Variants in RIIAD1 observed in about 807,000 individuals in gnomAD.
RIIAD1 encodes the protein regulatory subunit of type II PKA R-subunit domain containing 1, also known as RIIa domain-containing protein 1.
In RIIAD1, 15 loss-of-function variants were observed where a neutral mutation model predicts 13.3. That is an observed-to-expected ratio of 1.13 (90% confidence interval 0.76 to 1.74). The LOEUF is 1.74. RIIAD1 is among the 40% of genes most tolerant of loss of function. The pLI is 0.00. For synonymous variants in RIIAD1, 50 were observed against 43.3 expected, an observed-to-expected ratio of 1.16 and a Z score of -0.61; for missense variants, 121 against 112.2, an observed-to-expected ratio of 1.08 and a Z score of -0.35.
chr1:151,715,310 C>T lies in RIIAD1; in HGVS notation c.21+781C>T, dbSNP rs991473294. On this transcript the variant is annotated intron_variant, in intron 4 of 8. Transcript: ENST00000326413. ...GGCCTGAGGAGCACCCTCCCTTCTC[C>T]CCCACTCTCTTAACTTTCTAAGCCT... Among the ~76,000 whole-genome samples, 3 of 152,096 alleles carry T rather than the reference C, an allele frequency of 2.0e-5. No homozygotes were observed. The East Asian group carries it at 5.8e-4, about 29-fold the overall frequency.
chr1:151,717,260 T>C (rs766160838), upstream of RIIAD1, among the ~76,000 whole-genome samples: 1 of 150,730 alleles, frequency 6.6e-6, no homozygotes, highest in African/African-American at 2.4e-5. Flanking sequence ...AAAGGAGATA[T>C]AGATGGAGAG....
upstream of RIIAD1, among the ~76,000 whole-genome samples, chr1:151,717,083 C>T (rs1023915582): frequency 6.6e-6 from 1 of 152,066 alleles, no homozygotes; most frequent in East Asian, 1.9e-4. Context: ...AAAGTGGGGT[C>T]CATTGTTCCG....
intron 1 of RIIAD1, 188 bp downstream of exon 1, chr1:151,721,808 G>A (rs923403345): frequency 8.8e-6 from 5 of 565,518 alleles, no homozygotes; most frequent in East Asian, 8.5e-5. Flanking sequence ...AGCGCGACGG[G>A]CATCTGAGAG....
At chr1:151,724,281 C>G (rs1673789384) in intron 2 of RIIAD1, among the ~76,000 whole-genome samples, 2 of 152,228 alleles carry the variant, frequency 1.3e-5, no homozygotes, top group African/African-American at 4.8e-5. Flanking sequence ...TAAAGCTACT[C>G]TACCTGAAAT....
At chr1:151,721,393 C>G (rs190402093), upstream of RIIAD1, 9 of 415,540 alleles carry the variant, frequency 2.2e-5, no homozygotes, top group South Asian at 1.2e-4. Context: ...GACCCACCCC[C>G]CAAGCCCCCG....
upstream of RIIAD1, among the ~76,000 whole-genome samples, chr1:151,721,359 A>G (rs1048860614): frequency 3.3e-5 from 5 of 152,132 alleles, no homozygotes; most frequent in Admixed American, 2.6e-4. Context: ...CAGTCCCCCA[A>G]TCCGGGAAAG....
chr1:151,715,924 T>C, intron 4 of RIIAD1: 1 of 1,614,090 alleles, frequency 6.2e-7, no homozygotes, highest in Non-Finnish European at 8.5e-7. Context: ...AGCTCAAAGA[T>C]CCGACCAAAC....
At chr1:151,715,596 T>C in intron 4 of RIIAD1, 1 of 1,421,556 alleles carries the variant, frequency 7.0e-7, no homozygotes, top group Non-Finnish European at 9.3e-7. Context: ...CTTTCTTGAG[T>C]TCATCCCATG....
In RIIAD1 at chr1:151,725,862, C is replaced by T. The variant is rs193295348; in HGVS notation, c.162-1713C>T. Among the ~76,000 whole-genome samples the T allele has an allele frequency of 4.3e-3, 649 of 152,202 alleles. 3 individuals carry two copies. Among genetic ancestry groups the T allele is most frequent in the Non-Finnish European group, 5.8e-3 (392 of 68,014 alleles). On this transcript the variant is annotated intron_variant, in intron 2 of 4. Transcript: ENST00000479191. ...TCCCTCCCCAGCATTCAAGGCTCTC[C>T]GTAATAGAACCTCTTCTGTTTCCCA...
At chr1:151,720,785 C>T (rs1374164775), upstream of RIIAD1, among the ~76,000 whole-genome samples, 3 of 152,170 alleles carry the variant, frequency 2.0e-5, no homozygotes, top group African/African-American at 4.8e-5. Context: ...TGCCCTTTCT[C>T]GTGGCTATTT....
At chr1:151,719,575 G>C (rs914109570), upstream of RIIAD1, 2 of 701,178 alleles carry the variant, frequency 2.9e-6, no homozygotes, top group Non-Finnish European at 5.2e-6. Context: ...AGTACTTACT[G>C]GCTTCCCTGA....
At chr1:151,714,761 C>A in intron 4 of RIIAD1, 1 of 972,802 alleles carries the variant, frequency 1.0e-6, no homozygotes, top group Non-Finnish European at 1.6e-6. Context: ...CAAAGACTGA[C>A]GACTGGGAAG....
At chr1:151,715,982 C>A (rs1436360674) in intron 4 of RIIAD1, 1 of 1,614,162 alleles carries the variant, frequency 6.2e-7, no homozygotes, top group Non-Finnish European at 8.5e-7. Flanking sequence ...GCCTCGGGAT[C>A]TGCCCCACAA....
At chr1:151,713,142 C>G (rs553024681) in intron 2 of RIIAD1, among the ~76,000 whole-genome samples, 2 of 152,308 alleles carry the variant, frequency 1.3e-5, no homozygotes, top group African/African-American at 4.8e-5. Context: ...GGATTCTGTC[C>G]CCTGGGACAA....
chr1:151,721,798 A>G, intron 1 of RIIAD1, 178 bp downstream of exon 1: 1 of 564,560 alleles, frequency 1.8e-6, no homozygotes, highest in South Asian at 2.6e-5. Flanking sequence ...CCCAGCACAG[A>G]GCGCGACGGG....
intron 4 of RIIAD1, among the ~76,000 whole-genome samples, chr1:151,729,145 C>T (rs573310242): frequency 6.6e-6 from 1 of 152,208 alleles, no homozygotes; most frequent in South Asian, 2.1e-4. Context: ...AGTGGAAGTA[C>T]AGTAGTTCAG....
At chr1:151,714,572 C>T (rs1281975876) in intron 4 of RIIAD1, 2 of 1,539,880 alleles carry the variant, frequency 1.3e-6, no homozygotes, top group South Asian at 2.4e-5. Context: ...AGTCCCCTGG[C>T]CCTGCAAAGG....
chr1:151,721,398 C>A (rs562934705), upstream of RIIAD1: 5 of 419,470 alleles, frequency 1.2e-5, no homozygotes, highest in Non-Finnish European at 2.0e-5. Context: ...ACCCCCCAAG[C>A]CCCCGCCCCG....
At chr1:151,714,751 C>A in intron 4 of RIIAD1, 1 of 1,047,840 alleles carries the variant, frequency 9.5e-7, no homozygotes, top group Non-Finnish European at 1.4e-6. Context: ...GGCTCCCTTC[C>A]AAAGACTGAC....
Sources: gnomAD v4.1 joint callset for allele counts (sites outside exome capture counted in the v4.1 genomes callset) on GRCh38, gnomAD v4.1.1 for gene constraint, MANE v1.5 for transcripts, NCBI Gene and HGNC (gene_info 2026-07-23, HGNC 2026-07-21) for gene names.